The following CDH23 variants were observed in gnomAD, a reference collection of about 807,000 sequenced individuals.
The protein encoded by CDH23 is cadherin-23.
In CDH23, 189 loss-of-function variants were observed where a neutral mutation model predicts 317.1. The ratio of observed to expected loss-of-function variants is 0.60; its 90% CI spans 0.53 to 0.67. The LOEUF (loss-of-function observed/expected upper bound fraction) is 0.67, where lower values mean the gene tolerates loss of function less well. CDH23 is among the 30% of genes least tolerant of loss of function. CDH23 has a pLI of 0.00. For missense variants in CDH23, 4,401 were observed against 4,592.4 expected (o/e 0.96, Z 1.20); for synonymous variants, 1,839 against 1,876.8 (o/e 0.98, Z 0.52).
chr10:71,595,317 C>T (rs1859764365), intron 9 of CDH23, among the ~76,000 whole-genome samples: 3 of 152,116 alleles, frequency 2.0e-5, no homozygotes, highest in South Asian at 2.1e-4. Context: ...TCCATCTTAG[C>T]GATCTTTCTG....
chr10:71,522,334 C>A (rs1242958678), intron 6 of CDH23, among the ~76,000 whole-genome samples: 1 of 152,176 alleles, frequency 6.6e-6, no homozygotes, highest in East Asian at 1.9e-4. Flanking sequence ...TTAAAGGTAG[C>A]CACTGTCCTG....
chr10:71,813,413 G>A, intron 69 of CDH23, 65 bp downstream of exon 69: 1 of 1,293,432 alleles, frequency 7.7e-7, no homozygotes, highest in Non-Finnish European at 1.1e-6. Flanking sequence ...TCTGTCTCTT[G>A]CTGTCCTGCT....
At chr10:71,674,846 A>G (rs1187621115) in intron 14 of CDH23, among the ~76,000 whole-genome samples, 1 of 152,188 alleles carries the variant, frequency 6.6e-6, no homozygotes, top group African/African-American at 2.4e-5. Flanking sequence ...GTCAGGGGAG[A>G]TGGAGGAGGG....
In CDH23 at chr10:71,636,932, G is replaced by A. The variant is rs556101964; in HGVS notation, c.1135-6929G>A. The stretch of plus-strand genomic sequence containing the variant: ...GGTACCAGGGGTTGAGGTGGAGTCA[G>A]AAACGGAAGCAGTGTCCTCTGCCAG... On this transcript the variant is annotated intron_variant, in intron 11 of 69. Transcript: ENST00000224721. 3.9e-5 allele frequency among the ~76,000 whole-genome samples: 6 copies of A among 152,298 alleles called. No homozygotes were observed. The East Asian group carries it at 1.2e-3, about 29-fold the overall frequency.
intron 1 of CDH23, among the ~76,000 whole-genome samples, chr10:71,417,299 A>G (rs1848578144): frequency 6.6e-6 from 1 of 151,850 alleles, no homozygotes; most frequent in Admixed American, 6.6e-5. Flanking sequence ...CTGTTCTCAA[A>G]CTACTGACCT....
intron 3 of CDH23, among the ~76,000 whole-genome samples, chr10:71,459,478 T>C (rs1364783436): frequency 2.0e-5 from 3 of 152,184 alleles, no homozygotes; most frequent in Non-Finnish European, 4.4e-5. Flanking sequence ...GGCCAGTGCT[T>C]TTCCCAACTA....
At chr10:71,473,171 C>T (rs563966601) in intron 3 of CDH23, among the ~76,000 whole-genome samples, 15 of 152,170 alleles carry the variant, frequency 9.9e-5, no homozygotes, top group South Asian at 2.1e-4. Context: ...CCTCCATTCC[C>T]GCCTGGGAAG....
At chr10:71,740,111 C>T (rs755987887) in intron 36 of CDH23, among the ~76,000 whole-genome samples, 27 of 152,346 alleles carry the variant, frequency 1.8e-4, no homozygotes, top group Non-Finnish European at 3.2e-4. Flanking sequence ...AGGTTATTAA[C>T]TCTGGGCCTC....
intron 3 of CDH23, among the ~76,000 whole-genome samples, chr10:71,482,456 A>T (rs1277491113): frequency 6.6e-6 from 1 of 152,316 alleles, no homozygotes; most frequent in East Asian, 1.9e-4. Flanking sequence ...TTTAAAGTTG[A>T]TGCCAGAAGT....
intron 3 of CDH23, among the ~76,000 whole-genome samples, chr10:71,501,598 G>A (rs1397809441): frequency 1.3e-5 from 2 of 152,206 alleles, no homozygotes; most frequent in Admixed American, 6.5e-5. Flanking sequence ...GAGCTCCCCT[G>A]AGGTCAAACC....
chr10:71,813,476 G>A lies in CDH23; in HGVS notation c.9738+128G>A, dbSNP rs1842012809. On this transcript the variant is annotated intron_variant, in intron 69 of 69. Transcript: ENST00000224721. ...CAGCCAGGACCAAAGACAGCAATGG[G>A]TGGGGGCCAGGAAGTCAGACAGCAG... The A allele has an allele frequency of 3.6e-5, 29 of 806,178 alleles. No individual in the cohort carries two copies. The South Asian group carries it at 4.1e-4, about 11-fold the overall frequency. The allele number at this position is 806,178 out of a possible 1,614,324, so 49.9% of individuals were successfully genotyped here. A position where few individuals can be genotyped will look rare whatever the true frequency, so the allele number is the denominator to read the frequency against.
intron 14 of CDH23, among the ~76,000 whole-genome samples, chr10:71,670,032 C>A (rs1440735896): frequency 6.6e-6 from 1 of 152,162 alleles, no homozygotes; most frequent in Non-Finnish European, 1.5e-5. Context: ...TGTGACTGAA[C>A]AAGTGTCTGG....
At chr10:71,471,546 C>CCAGATTG (rs3059653) in intron 3 of CDH23, among the ~76,000 whole-genome samples, 117,134 of 151,156 alleles carry the variant, frequency 0.77, 45,818 homozygotes, top group East Asian at 0.92. Flanking sequence ...CCAGTGATAC[C>CCAGATTG]CAGTCTCCAG....
intron 14 of CDH23, among the ~76,000 whole-genome samples, chr10:71,662,745 T>G (rs1016509493): frequency 6.6e-6 from 1 of 152,236 alleles, no homozygotes; most frequent in Non-Finnish European, 1.5e-5. Flanking sequence ...GACTGTGAGC[T>G]TCTTGCTCCC....
rs886047147 is a variant in CDH23 at position 71,815,890 on chromosome 10, G to C, written c.*612G>C. The C allele has an allele frequency of 3.2e-5, 5 of 156,974 alleles. No homozygotes were observed. Among genetic ancestry groups the C allele is most frequent in the African/African-American group, 1.2e-4 (5 of 41,474 alleles). 9.7% of individuals were successfully genotyped at this position (156,974 alleles called of 1,614,324 possible). A position where few individuals can be genotyped will look rare whatever the true frequency, so the allele number is the denominator to read the frequency against. ...AACAGAAGTGACTGATGTTCCCTCC[G>C]GTTTTGAATGTGGAGTGTTTGTGTG... is the stretch of plus-strand genomic sequence containing the variant. On this transcript the variant is annotated 3_prime_UTR_variant, in exon 70 of 70. Coordinates refer to ENST00000224721, the MANE Select transcript of CDH23 (RefSeq NM_022124.6).
At chr10:71,442,778 G>A (rs1202207823) in intron 2 of CDH23, among the ~76,000 whole-genome samples, 3 of 152,068 alleles carry the variant, frequency 2.0e-5, no homozygotes, top group East Asian at 1.9e-4. Flanking sequence ...CTGACCATGC[G>A]GCCACCTGGC....
intron 31 of CDH23, among the ~76,000 whole-genome samples, chr10:71,731,191 T>G (rs1380638790): frequency 6.6e-6 from 1 of 152,190 alleles, no homozygotes; most frequent in Non-Finnish European, 1.5e-5. Flanking sequence ...GCCTGGGCTG[T>G]CTGGCCTGTA....
At chr10:71,681,140 A>G (rs564504126) in intron 17 of CDH23, among the ~76,000 whole-genome samples, 2 of 152,064 alleles carry the variant, frequency 1.3e-5, no homozygotes, top group East Asian at 3.9e-4. Context: ...TCCCTCTTTC[A>G]AAAACTTAAA....
intron 3 of CDH23, among the ~76,000 whole-genome samples, chr10:71,480,437 C>T (rs1009884224): frequency 2.0e-5 from 3 of 152,238 alleles, no homozygotes; most frequent in Admixed American, 2.0e-4. Context: ...CATCAGCCAA[C>T]CCATCTCGAA....
Sources: gnomAD v4.1 joint callset for allele counts (sites outside exome capture counted in the v4.1 genomes callset) on GRCh38, gnomAD v4.1.1 for gene constraint, MANE v1.5 for transcripts, NCBI Gene and HGNC (gene_info 2026-07-23, HGNC 2026-07-21) for gene names.